Variants in UGGT1 observed in about 807,000 individuals in gnomAD.
UGGT1 encodes the protein UDP-glucose glycoprotein glucosyltransferase 1.
Under a neutral mutation model 203.9 loss-of-function variants are expected in UGGT1, and 107 were observed. That is an observed-to-expected ratio of 0.52 (90% CI 0.45 to 0.62). The LOEUF is 0.62. Among genes scored for constraint, UGGT1 ranks in the 20% least tolerant of loss-of-function variants. UGGT1 has a pLI of 0.00. For missense variants in UGGT1, 1,673 were observed against 1,867.2 expected (o/e 0.90, Z 1.92); for synonymous variants, 628 against 653.5 (o/e 0.96, Z 0.59).
At chr2:128,172,882 C>G (rs1363893655) in intron 29 of UGGT1, 120 bp downstream of exon 29, 3 of 933,562 alleles carry the variant, frequency 3.2e-6, no homozygotes, top group Non-Finnish European at 4.7e-6. Context: ...TAAACAACAG[C>G]TTTATTCACA....
chr2:128,117,839 G>A (rs376665446), intron 8 of UGGT1, among the ~76,000 whole-genome samples: 10 of 152,064 alleles, frequency 6.6e-5, no homozygotes, highest in African/African-American at 2.4e-4. Context: ...GTGAGCCACC[G>A]TGCCTGGCCT....
intron 19 of UGGT1, among the ~76,000 whole-genome samples, chr2:128,153,483 C>G (rs778443621): frequency 1.5e-4 from 23 of 152,128 alleles, no homozygotes; most frequent in Non-Finnish European, 2.9e-4. Flanking sequence ...AAAAATTCCC[C>G]AGAATTCCAT....
chr2:128,186,932 G>A (rs972272198), intron 39 of UGGT1, 133 bp downstream of exon 39: 1 of 657,684 alleles, frequency 1.5e-6, no homozygotes, highest in South Asian at 2.3e-5. Context: ...CTGTAATTGT[G>A]TAGTTTGTCG....
chr2:128,194,700 G>A lies in UGGT1; in HGVS notation c.*4958G>A, dbSNP rs935020616. ...GGTAAGATAACTTCTTTAAATTCATGTTTTCTCTGCCTTGAGGTAGTGAGG... is the reference window on the plus strand; with the variant it reads ...GGTAAGATAACTTCTTTAAATTCATATTTTCTCTGCCTTGAGGTAGTGAGG... On this transcript the variant is annotated 3_prime_UTR_variant, in exon 41 of 41. Transcript: ENST00000259253. The A allele has an allele frequency of 5.3e-5, 8 of 152,112 alleles. No homozygotes were observed. Among genetic ancestry groups the A allele is most frequent in the Admixed American group, 4.6e-4 (7 of 15,264 alleles). The allele number at this position is 152,112 out of a possible 1,614,324, so 9.4% of individuals were successfully genotyped here.
intron 34 of UGGT1, among the ~76,000 whole-genome samples, chr2:128,178,981 CTTCTG>C (rs1691545324): frequency 6.6e-6 from 1 of 152,166 alleles, no homozygotes; most frequent in African/African-American, 2.4e-5. Flanking sequence ...CATGTGAACA[CTTCTG>C]TTTTATAAAC....
At chr2:128,156,032 A>T (rs1690209633) in intron 20 of UGGT1, among the ~76,000 whole-genome samples, 1 of 152,348 alleles carries the variant, frequency 6.6e-6, no homozygotes, top group South Asian at 2.1e-4. Flanking sequence ...AAGATTGTGT[A>T]AAATGACGCC....
intron 38 of UGGT1, 134 bp downstream of exon 38, chr2:128,183,923 TGTGTGTGTGTGTGTGA>T: frequency 1.8e-6 from 1 of 552,008 alleles, no homozygotes; most frequent in Non-Finnish European, 3.3e-6. Context: ...TGTGTGTGTG[TGTGTGTGTGTGTGTGA>T]GAGAGAGAGA....
rs1049519041 is a variant in UGGT1 at position 128,177,684 on chromosome 2, T to C, written c.3625-148T>C. 6.8e-6 allele frequency: 4 copies of C among 585,770 alleles called. No individual in the cohort carries two copies. The Admixed American group carries it at 1.4e-4, about 21-fold the overall frequency. The allele number at this position is 585,770 out of a possible 1,614,324, so 36.3% of individuals were successfully genotyped here. A position where few individuals can be genotyped will look rare whatever the true frequency, so the allele number is the denominator to read the frequency against. On this transcript the variant is annotated intron_variant, in intron 32 of 40. Transcript: ENST00000259253. ...GGCGAAGATACTTCTATTGAATCCTTCTAGACTCTGGGTGGGGTTGTGCCT... is the reference window on the plus strand; with the variant it reads ...GGCGAAGATACTTCTATTGAATCCTCCTAGACTCTGGGTGGGGTTGTGCCT...
chr2:128,143,000 G>T, intron 16 of UGGT1, 94 bp from the exon 17 acceptor site: 14 of 1,197,944 alleles, frequency 1.2e-5, no homozygotes, highest in Non-Finnish European at 1.5e-5. Flanking sequence ...AGAAAAATAA[G>T]TATATTTTCC....
At position 128,120,470 on chromosome 2, in the gene UGGT1, G is replaced by A. The variant is rs186851172; in HGVS notation, c.973+14G>A. ...GGCAGTTGCAAGGTAATGAAAACAGGGAGAGGTCATTGGCCTACTTTTTGG... is the reference window on the plus strand; with the variant it reads ...GGCAGTTGCAAGGTAATGAAAACAGAGAGAGGTCATTGGCCTACTTTTTGG... On this transcript the variant is annotated intron_variant, in intron 9 of 40. Coordinates refer to ENST00000259253, the MANE Select transcript of UGGT1 (RefSeq NM_020120.4). 1.2e-4 allele frequency: 191 copies of A among 1,605,116 alleles called. 1 individual carries two copies. The East Asian group carries it at 4.1e-3, about 34-fold the overall frequency.
rs1558810381 is a variant in UGGT1, at chr2:128,164,731, G to A, written c.2827G>A (p.Ala943Thr). The change falls in exon 26 of 41, where the codon GCA (alanine) becomes ACA (threonine). Residue 943 changes from alanine to threonine, a missense_variant and splice_region_variant. This residue lies in a region of UGGT1 where 1,073 missense variants were observed against 1,078.7 expected (regional missense o/e 0.99). Transcript: ENST00000259253. ...GATTTCTCTAACCCCTTCTTTCAGGGCAAGCGACTTGGTAATGAAGGTGGA... is the reference window on the plus strand; with the variant it reads ...GATTTCTCTAACCCCTTCTTTCAGGACAAGCGACTTGGTAATGAAGGTGGA... ...IQQLRVEEDV[A>T]SDLVMKVDAL... The A allele has an allele frequency of 6.2e-7, 1 of 1,613,844 alleles. No individual in the cohort carries two copies. Among genetic ancestry groups the A allele is most frequent in the Admixed American group, 1.7e-5 (1 of 59,996 alleles).
At chr2:128,120,710 C>T (rs915296996) in intron 9 of UGGT1, among the ~76,000 whole-genome samples, 4 of 152,072 alleles carry the variant, frequency 2.6e-5, no homozygotes, top group African/African-American at 7.2e-5. Context: ...ACTTGTAATA[C>T]GAGAAGCAGG....
chr2:128,092,870 A>G (rs1686933139), intron 1 of UGGT1, among the ~76,000 whole-genome samples: 1 of 152,046 alleles, frequency 6.6e-6, no homozygotes, highest in Admixed American at 6.6e-5. Flanking sequence ...TTTTCTGTTT[A>G]TTCATCATGC....
chr2:128,122,671 C>T (rs1208477250), intron 10 of UGGT1, among the ~76,000 whole-genome samples: 1 of 152,060 alleles, frequency 6.6e-6, no homozygotes. Flanking sequence ...TGAATGGTTC[C>T]CAGTCATTTT....
chr2:128,092,052 G>T (rs955554709), intron 1 of UGGT1, among the ~76,000 whole-genome samples: 12 of 152,140 alleles, frequency 7.9e-5, no homozygotes, highest in African/African-American at 2.9e-4. Context: ...AAGTCCTGGG[G>T]TCTTTTGCCT....
Position 128,183,727 on chromosome 2 carries a change from A to G in UGGT1, c.4297A>G (p.Arg1433Gly), listed in dbSNP as rs769785409. The change falls in exon 38 of 41, where the codon AGA becomes GGA. Residue 1433 changes from arginine to glycine, a missense_variant. Physicochemically the swap from Arg to Gly is moderately radical, Grantham distance 125 (BLOSUM62 -2). Transcript: ENST00000259253. ...GTTTAGGAAAATAGCTGCTGGTGAC[A>G]GACTCAGGGGACAGTACCAAGGTCT... Reference protein sequence around the residue: ...KKFRKIAAGDRLRGQYQGLSQ... With the variant: ...KKFRKIAAGDGLRGQYQGLSQ... 1 of 1,614,126 alleles carries G rather than the reference A, an allele frequency of 6.2e-7. No homozygotes were observed. The highest frequency in any genetic ancestry group is 1.3e-5 in the African/African-American group (1 of 75,054).
At chr2:128,114,610 A>G (rs1688013482) in intron 6 of UGGT1, among the ~76,000 whole-genome samples, 2 of 152,176 alleles carry the variant, frequency 1.3e-5, no homozygotes, top group Non-Finnish European at 2.9e-5. Flanking sequence ...ATTTAATAAA[A>G]AGCATACTCC....
chr2:128,163,521 T>C (rs950959896), intron 25 of UGGT1, among the ~76,000 whole-genome samples: 30 of 151,438 alleles, frequency 2.0e-4, no homozygotes, highest in Non-Finnish European at 3.8e-4. Context: ...CGAGACCATC[T>C]TGGCTAACAC....
Position 128,156,413 on chromosome 2 carries a change from A to T in UGGT1, c.2258A>T (p.Tyr753Phe). Residue 753 changes from tyrosine to phenylalanine, a missense_variant and splice_region_variant, in exon 21 of 41, where the codon TAT (tyrosine) becomes TTT (phenylalanine). Physicochemically the swap from Tyr to Phe is conservative, Grantham distance 22. Transcript: ENST00000259253. ...TCAGGAATGTCCTCCAAGGAAATCT[A>T]TGGTAACTTAAAACTTCAGAATGTT... ...TKKGMSSKEI[Y>F]DDSFIRPVTF... is the part of the protein sequence containing the mutation. 4 of 1,593,694 alleles carry T rather than the reference A, an allele frequency of 2.5e-6. No individual in the cohort carries two copies. Among genetic ancestry groups the T allele is most frequent in the Non-Finnish European group, 3.4e-6 (4 of 1,162,846 alleles).
Sources: allele counts gnomAD v4.1 joint callset (sites outside exome capture counted in the v4.1 genomes callset), GRCh38; gene constraint gnomAD v4.1.1; regional missense constraint gnomAD v4.1.1; transcripts MANE v1.5; gene names NCBI Gene and HGNC (gene_info 2026-07-23, HGNC 2026-07-21).